PGBD2: variants seen among roughly 807,000 people sequenced by gnomAD.
PGBD2 encodes piggyBac transposable element derived 2.
Under a neutral mutation model 8.1 loss-of-function variants are expected in PGBD2, and 6 were observed. The ratio of observed to expected loss-of-function variants is 0.74; its 90% confidence interval spans 0.40 to 1.46. The LOEUF (loss-of-function observed/expected upper bound fraction) is 1.46, where lower values mean the gene tolerates loss of function less well. Ranked by LOEUF, PGBD2 falls within the 40% of genes most tolerant of loss-of-function variation. The pLI, the probability that PGBD2 is intolerant of heterozygous loss-of-function variation, is 0.02. For synonymous variants in PGBD2, 318 were observed against 272.2 expected, an observed-to-expected ratio of 1.17 and a Z score of -1.66; for missense variants, 802 against 739.0, an observed-to-expected ratio of 1.09 and a Z score of -0.99.
At chr1:248,878,056 T>C in the PGBD2 span, among the ~76,000 whole-genome samples, 3 of 152,196 alleles carry the variant, frequency 2.0e-5, no homozygotes, top group Non-Finnish European at 4.4e-5. Flanking sequence ...AACTTTCCTC[T>C]TTTTTTCTCT....
Position 248,917,033 on chromosome 1 carries a change from A to G in PGBD2, c.449A>G (p.Asp150Gly), listed in dbSNP as rs969229808. 1.2e-6 allele frequency: 2 copies of G among 1,613,708 alleles called. No homozygotes were observed. The highest frequency in any genetic ancestry group is 1.7e-6 in the Non-Finnish European group (2 of 1,179,932). ...SPVGLFELFF[D>G]EGTINFIVNE... ...GTGGGCCTTTTTGAGTTGTTTTTTGATGAAGGAACAATTAATTTCATTGTT... is the reference window on the plus strand; with the variant it reads ...GTGGGCCTTTTTGAGTTGTTTTTTGGTGAAGGAACAATTAATTTCATTGTT... Residue 150 changes from aspartate to glycine, a missense_variant, in exon 3 of 3, where the codon GAT (aspartate) becomes GGT (glycine). Transcript: ENST00000329291.
At chr1:248,880,014 G>C in the PGBD2 span, among the ~76,000 whole-genome samples, 2 of 152,176 alleles carry the variant, frequency 1.3e-5, no homozygotes, top group Admixed American at 1.3e-4. Flanking sequence ...CCTGGAGTCT[G>C]AGTGCTTCTG....
chr1:248,880,601 T>C, the PGBD2 span, among the ~76,000 whole-genome samples: 1 of 152,314 alleles, frequency 6.6e-6, no homozygotes, highest in South Asian at 2.1e-4. Flanking sequence ...AGTCTTTGAG[T>C]GTTTCAAGTT....
chr1:248,897,579 G>A, the PGBD2 span, among the ~76,000 whole-genome samples: 1 of 152,224 alleles, frequency 6.6e-6, no homozygotes, highest in Non-Finnish European at 1.5e-5. Flanking sequence ...GCACAGAGCT[G>A]TGCAGACCTG....
chr1:248,876,624 T>C, the PGBD2 span, among the ~76,000 whole-genome samples: 1 of 152,242 alleles, frequency 6.6e-6, no homozygotes, highest in South Asian at 2.1e-4. Flanking sequence ...CATGTAACCT[T>C]ATTCCATGAC....
At chr1:248,910,553 A>C (rs1336783561) in intron 1 of PGBD2, among the ~76,000 whole-genome samples, 1 of 152,224 alleles carries the variant, frequency 6.6e-6, no homozygotes, top group Non-Finnish European at 1.5e-5. Context: ...TGGTGGCTCC[A>C]TATTACACAT....
chr1:248,896,483 C>T, the PGBD2 span, among the ~76,000 whole-genome samples: 1 of 152,066 alleles, frequency 6.6e-6, no homozygotes, highest in Non-Finnish European at 1.5e-5. Context: ...CTTGCTCTGT[C>T]ACCTAGGTTG....
chr1:248,875,156 C>G, the PGBD2 span, among the ~76,000 whole-genome samples: 1 of 151,770 alleles, frequency 6.6e-6, no homozygotes, highest in South Asian at 2.1e-4. Context: ...ATTAGCTGAG[C>G]GTGGTGGCAG....
intron 2 of PGBD2, 35 bp from the exon 3 acceptor site, chr1:248,916,567 T>C (rs777607417): frequency 1.3e-6 from 2 of 1,585,380 alleles, no homozygotes; most frequent in Admixed American, 1.7e-5. Flanking sequence ...CTTTCTGGCA[T>C]GGCCTCTTCC....
chr1:248,881,622 G>A, the PGBD2 span, among the ~76,000 whole-genome samples: 4 of 152,228 alleles, frequency 2.6e-5, no homozygotes, highest in African/African-American at 7.2e-5. Context: ...AATGCTCTTG[G>A]CATTTTAGTT....
At chr1:248,896,655 A>G in the PGBD2 span, among the ~76,000 whole-genome samples, 2 of 152,192 alleles carry the variant, frequency 1.3e-5, no homozygotes, top group African/African-American at 4.8e-5. Context: ...GAGGGAAGGG[A>G]CAAAATTACT....
chr1:248,927,718 C>A, the PGBD2 span, among the ~76,000 whole-genome samples: 1 of 152,114 alleles, frequency 6.6e-6, no homozygotes, highest in African/African-American at 2.4e-5. Context: ...TTAGAGAATG[C>A]CTACAAGAGC....
chr1:248,922,788 T>C (rs1662313658), downstream of PGBD2, among the ~76,000 whole-genome samples: 1 of 152,232 alleles, frequency 6.6e-6, no homozygotes, highest in African/African-American at 2.4e-5. Context: ...GAACCAGTCT[T>C]GCATCCCAGG....
chr1:248,883,971 T>A, the PGBD2 span, among the ~76,000 whole-genome samples: 331 of 152,308 alleles, frequency 2.2e-3, no homozygotes, highest in African/African-American at 7.7e-3. Context: ...TAGTTGCAAT[T>A]GCTTTTGAGC....
At chr1:248,884,521 A>G in the PGBD2 span, among the ~76,000 whole-genome samples, 38 of 151,978 alleles carry the variant, frequency 2.5e-4, no homozygotes, top group Non-Finnish European at 2.5e-4. Flanking sequence ...TAATTTTTGT[A>G]TTTTTAGTAG....
the PGBD2 span, among the ~76,000 whole-genome samples, chr1:248,892,731 C>T: frequency 6.6e-6 from 1 of 152,200 alleles, no homozygotes; most frequent in African/African-American, 2.4e-5. Flanking sequence ...TATTTACTTG[C>T]AGCTTGGGCT....
chr1:248,906,045 G>A (rs1310922868), upstream of PGBD2, among the ~76,000 whole-genome samples: 1 of 152,138 alleles, frequency 6.6e-6, no homozygotes, highest in African/African-American at 2.4e-5. Context: ...GGAGGGTAAG[G>A]GAGAGTGGCG....
chr1:248,875,554 C>T, the PGBD2 span, among the ~76,000 whole-genome samples: 1,648 of 152,090 alleles, frequency 0.011, 32 homozygotes, highest in African/African-American at 0.037. Flanking sequence ...ATTTGGGAAG[C>T]CTGTGAAAAA....
chr1:248,912,981 T>C (rs908030579), intron 1 of PGBD2, among the ~76,000 whole-genome samples: 3 of 152,026 alleles, frequency 2.0e-5, no homozygotes, highest in Non-Finnish European at 4.4e-5. Flanking sequence ...TTTGTAGTTT[T>C]AGTAGACACG....
Sources: gnomAD v4.1 joint callset for allele counts (sites outside exome capture counted in the v4.1 genomes callset) on GRCh38, gnomAD v4.1.1 for gene constraint, MANE v1.5 for transcripts, NCBI Gene and HGNC (gene_info 2026-07-23, HGNC 2026-07-21) for gene names.